Variants in CAGE1 observed in about 807,000 individuals in gnomAD.
The protein encoded by CAGE1 is cancer antigen 1.
A neutral mutation model predicts 94.9 loss-of-function variants in CAGE1; 66 were observed. The ratio of observed to expected loss-of-function variants is 0.70; its 90% CI spans 0.57 to 0.85. CAGE1 has a LOEUF of 0.85. Ranked by LOEUF, CAGE1 falls within the 40% of genes least tolerant of loss-of-function variation. CAGE1 has a pLI of 0.00. For missense variants in CAGE1, 865 were observed against 950.4 expected (o/e 0.91, Z 1.18); for synonymous variants, 319 against 321.0 (o/e 0.99, Z 0.07).
chr6:7,330,966 T>C (rs548372199), intron 12 of CAGE1, among the ~76,000 whole-genome samples: 1 of 152,332 alleles, frequency 6.6e-6, no homozygotes, highest in South Asian at 2.1e-4. Context: ...TTCCATTGTT[T>C]CTCTCAGCAA....
At chr6:7,356,354 A>G (rs985745727) in intron 9 of CAGE1, among the ~76,000 whole-genome samples, 4 of 152,256 alleles carry the variant, frequency 2.6e-5, no homozygotes, top group African/African-American at 9.6e-5. Context: ...TCCTCTTTAT[A>G]CTATAAAACA....
intron 11 of CAGE1, among the ~76,000 whole-genome samples, chr6:7,342,703 G>T (rs181765632): frequency 6.6e-6 from 1 of 152,162 alleles, no homozygotes; most frequent in Admixed American, 6.5e-5. Context: ...TTGGGTTCTT[G>T]GTCATGAAGT....
chr6:7,343,198 A>AAAAAAAAAAAG (rs574460085), intron 11 of CAGE1, among the ~76,000 whole-genome samples: 4 of 137,320 alleles, frequency 2.9e-5, no homozygotes, highest in Non-Finnish European at 4.6e-5. Context: ...CACAAAAAAA[A>AAAAAAAAAAAG]AAAAGAAAAG....
intron 9 of CAGE1, among the ~76,000 whole-genome samples, chr6:7,361,004 A>G (rs1760146739): frequency 6.6e-6 from 1 of 152,134 alleles, no homozygotes; most frequent in Non-Finnish European, 1.5e-5. Context: ...GCCAGAATAT[A>G]TAGAGCAGGT....
At position 7,345,404 on chromosome 6, in the gene CAGE1, G is replaced by A. The variant is rs565038488; in HGVS notation, c.2369+9637C>T. Among the ~76,000 whole-genome samples the A allele has an allele frequency of 3.9e-5, 6 of 152,148 alleles. 1 individual carries two copies. The highest frequency in any genetic ancestry group is 2.6e-4 in the Admixed American group (4 of 15,278). The stretch of plus-strand genomic sequence containing the variant: ...ACAAACGCCAGATGTGCCATCTTAA[G>A]AGCTGTAACCCTCACTGCAGGGGTC... On this transcript the variant is annotated intron_variant, in intron 11 of 13. Coordinates refer to ENST00000502583, the MANE Select transcript of CAGE1 (RefSeq NM_001170692.2).
Position 7,387,020 on chromosome 6 carries a change from T to G in CAGE1, c.154A>C (p.Ile52Leu). The G allele has an allele frequency of 6.4e-7, 1 of 1,552,124 alleles. No individual in the cohort carries two copies. Among genetic ancestry groups the G allele is most frequent in the Non-Finnish European group, 8.7e-7 (1 of 1,147,068 alleles). The change falls in exon 2 of 14, where the codon ATC becomes CTC. Residue 52 changes from isoleucine to leucine, a missense_variant. Transcript: ENST00000502583. ...SQGVMLSHSP[I>L]CMETTGTTCD... ...GTGGTGCCGGTGGTTTCCATACAGATTGGAGAATGTGAAAGCATTACACCT... is the reference window on the plus strand; with the variant it reads ...GTGGTGCCGGTGGTTTCCATACAGAGTGGAGAATGTGAAAGCATTACACCT...
chr6:7,348,546 A>G (rs1452430278), intron 11 of CAGE1, among the ~76,000 whole-genome samples: 2 of 152,210 alleles, frequency 1.3e-5, no homozygotes, highest in Non-Finnish European at 2.9e-5. Flanking sequence ...CTCACCAGCT[A>G]TGGATCCAAA....
At chr6:7,328,934 A>ATATTT (rs1388562262) in intron 13 of CAGE1, among the ~76,000 whole-genome samples, 1 of 106,814 alleles carries the variant, frequency 9.4e-6, no homozygotes, top group African/African-American at 4.0e-5. Context: ...ATATATATAT[A>ATATTT]TTTTTTTTTT....
At chr6:7,340,316 G>C (rs2113363743) in intron 11 of CAGE1, among the ~76,000 whole-genome samples, 1 of 152,176 alleles carries the variant, frequency 6.6e-6, no homozygotes, top group Middle Eastern at 3.4e-3. Context: ...CTGTATATTA[G>C]CCCTTTGTCA....
At chr6:7,386,139 T>G (rs973570640) in intron 2 of CAGE1, among the ~76,000 whole-genome samples, 9 of 152,182 alleles carry the variant, frequency 5.9e-5, no homozygotes, top group Non-Finnish European at 8.8e-5. Flanking sequence ...GACTATAAAC[T>G]TAGGGATACG....
Position 7,386,997 on chromosome 6 carries a change from G to C in CAGE1, c.177C>G (p.Thr59=). The C allele has an allele frequency of 6.4e-7, 1 of 1,551,432 alleles. No homozygotes were observed. Among genetic ancestry groups the C allele is most frequent in the Non-Finnish European group, 8.7e-7 (1 of 1,146,522 alleles). Reference sequence around the variant, plus strand: ...TGCACACCTGAGGCAAGTCACAAGTGGTGCCGGTGGTTTCCATACAGATTG... The same window carrying C: ...TGCACACCTGAGGCAAGTCACAAGTCGTGCCGGTGGTTTCCATACAGATTG... ...HSPICMETTG[T]TCDLPQNEIK... The change falls in exon 2 of 14, where the codon ACC becomes ACG. Residue 59 remains threonine, a synonymous_variant. Coordinates refer to ENST00000502583, the MANE Select transcript of CAGE1 (RefSeq NM_001170692.2).
At position 7,374,130 on chromosome 6, in the gene CAGE1, G is replaced by A; in HGVS notation, c.689C>T (p.Thr230Ile). ...PSQPPSFLCK[T>I]AVPSKEIQNY... Reference sequence around the variant, plus strand: ...CTGTATTTCTTTTGAAGGAACTGCAGTCTGTAAATTATAGTAAACAAAGTA... The same window carrying A: ...CTGTATTTCTTTTGAAGGAACTGCAATCTGTAAATTATAGTAAACAAAGTA... Residue 230 changes from threonine to isoleucine, a missense_variant and splice_region_variant, in exon 5 of 14, where the codon ACT becomes ATT. Thr to Ile is a moderately conservative substitution (Grantham distance 89). Transcript: ENST00000502583. The A allele has an allele frequency of 6.2e-7, 1 of 1,607,670 alleles. No homozygotes were observed. The highest frequency in any genetic ancestry group is 1.7e-4 in the Middle Eastern group (1 of 6,032).
At chr6:7,384,173 G>A (rs1054906981) in intron 3 of CAGE1, among the ~76,000 whole-genome samples, 1 of 152,122 alleles carries the variant, frequency 6.6e-6, no homozygotes, top group African/African-American at 2.4e-5. Flanking sequence ...CACCCCCTGG[G>A]TTCATGCCAT....
intron 12 of CAGE1, chr6:7,331,799 G>C (rs865998706): frequency 6.4e-6 from 1 of 155,100 alleles, no homozygotes; most frequent in African/African-American, 2.4e-5. Context: ...TTGAAGGAAT[G>C]GGCCTCCGAT....
intron 4 of CAGE1, among the ~76,000 whole-genome samples, chr6:7,376,156 G>A (rs1040563363): frequency 2.0e-5 from 3 of 152,086 alleles, no homozygotes; most frequent in African/African-American, 4.8e-5. Context: ...TTGGGAAGCC[G>A]AGGCAGGTGG....
At chr6:7,330,166 T>A (rs1462466403) in intron 12 of CAGE1, among the ~76,000 whole-genome samples, 1 of 152,110 alleles carries the variant, frequency 6.6e-6, no homozygotes, top group East Asian at 1.9e-4. Flanking sequence ...GGTGGGTGGA[T>A]CACTTGAGGT....
Position 7,339,597 on chromosome 6 carries a change from G to A in CAGE1, c.2370-5507C>T. On this transcript the variant is annotated intron_variant, in intron 11 of 13. Coordinates refer to ENST00000502583, the MANE Select transcript of CAGE1 (RefSeq NM_001170692.2). The surrounding 1 kb of genome is among the most constrained non-coding windows in gnomAD (Gnocchi z 4.7). ...GCCGCCATGCTCCGCTGAAAGGAAAGGCACTGTATCATTCTTATGCCTTTG... is the reference window on the plus strand; with the variant it reads ...GCCGCCATGCTCCGCTGAAAGGAAAAGCACTGTATCATTCTTATGCCTTTG... 1.4e-6 allele frequency: 1 copy of A among 719,102 alleles called. No individual in the cohort carries two copies. Among genetic ancestry groups the A allele is most frequent in the South Asian group, 1.5e-5 (1 of 66,672 alleles). The allele number at this position is 719,102 out of a possible 1,614,324, so 44.5% of individuals were successfully genotyped here.
intron 12 of CAGE1, chr6:7,331,256 A>G (rs1581652847): frequency 3.2e-6 from 2 of 623,376 alleles, no homozygotes; most frequent in Admixed American, 3.2e-5. Flanking sequence ...TGTAATTAAT[A>G]TGACTGCCAA....
At chr6:7,388,947 T>C (rs1006922558) in intron 1 of CAGE1, among the ~76,000 whole-genome samples, 5 of 152,246 alleles carry the variant, frequency 3.3e-5, no homozygotes, top group Admixed American at 1.3e-4. Flanking sequence ...TCTACAACTT[T>C]GTTCATCCCT....
Sources: allele counts gnomAD v4.1 joint callset (sites outside exome capture counted in the v4.1 genomes callset), GRCh38; gene constraint gnomAD v4.1.1; non-coding constraint Gnocchi (gnomAD v3.1); transcripts MANE v1.5; gene names NCBI Gene and HGNC (gene_info 2026-07-23, HGNC 2026-07-21).